TMEM217: variants seen among roughly 807,000 people sequenced by gnomAD.
TMEM217 encodes chromosome 6 open reading frame 128.
For synonymous variants in TMEM217, 76 were observed against 88.3 expected, an observed-to-expected ratio of 0.86 and a Z score of 0.78; for missense variants, 204 against 248.8, an observed-to-expected ratio of 0.82 and a Z score of 1.21.
At chr6:37,231,947 T>C (rs1764227489) in intron 1 of TMEM217, among the ~76,000 whole-genome samples, 1 of 151,904 alleles carries the variant, frequency 6.6e-6, no homozygotes, top group Admixed American at 6.6e-5. Context: ...TAGCCCAGAC[T>C]TACTAAAATC....
At chr6:37,227,896 A>C (rs1466497737) in intron 1 of TMEM217, among the ~76,000 whole-genome samples, 1 of 152,148 alleles carries the variant, frequency 6.6e-6, no homozygotes, top group Non-Finnish European at 1.5e-5. Flanking sequence ...TATATAGGAA[A>C]AAGTTTTTAG....
At chr6:37,225,022 A>C (rs1224383) in intron 1 of TMEM217, among the ~76,000 whole-genome samples, 100,546 of 148,714 alleles carry the variant, frequency 0.68, 34,142 homozygotes, top group East Asian at 0.83. Flanking sequence ...AAAAAAAAAA[A>C]AAAACACCAC....
At position 37,221,997 on chromosome 6, in the gene TMEM217, C is replaced by T. The variant is rs539276744; in HGVS notation, c.-11-2956G>A. On this transcript the variant is annotated intron_variant, in intron 1 of 1. Transcript: ENST00000357219. ...GTAGTTCCTCTCTGTAGCTGGTCCT[C>T]CCATTGTCTCCTGCTATCAGCAGAG... 2.0e-5 allele frequency among the ~76,000 whole-genome samples: 3 copies of T among 152,248 alleles called. No individual in the cohort carries two copies. The South Asian group carries it at 6.2e-4, about 32-fold the overall frequency.
At chr6:37,229,368 T>A (rs1764061633) in intron 1 of TMEM217, among the ~76,000 whole-genome samples, 1 of 87,650 alleles carries the variant, frequency 1.1e-5, no homozygotes, top group African/African-American at 4.6e-5. Context: ...TTTGAGACAG[T>A]GTCTCGCTCT....
intron 1 of TMEM217, among the ~76,000 whole-genome samples, chr6:37,230,626 A>T (rs1241701806): frequency 2.0e-5 from 3 of 152,122 alleles, no homozygotes; most frequent in Non-Finnish European, 4.4e-5. Context: ...CAAAATAAGG[A>T]AAAAAGCCTC....
chr6:37,248,941 C>T (rs1765241034), intron 1 of TMEM217, among the ~76,000 whole-genome samples: 1 of 152,178 alleles, frequency 6.6e-6, no homozygotes, highest in African/African-American at 2.4e-5. Flanking sequence ...GAATCCTTTC[C>T]TGACCCTTCT....
intron 1 of TMEM217, among the ~76,000 whole-genome samples, chr6:37,237,066 A>T (rs143147269): frequency 1.3e-5 from 2 of 152,194 alleles, no homozygotes; most frequent in Non-Finnish European, 2.9e-5. Flanking sequence ...TTCTTATTCT[A>T]GCCTCAGAAG....
chr6:37,250,782 A>C (rs910392051), intron 1 of TMEM217, among the ~76,000 whole-genome samples: 1 of 152,266 alleles, frequency 6.6e-6, no homozygotes, highest in African/African-American at 2.4e-5. Flanking sequence ...TATTACATGC[A>C]ACACATTCTG....
downstream of TMEM217, chr6:37,212,739 A>G (rs1217882398): frequency 5.9e-6 from 4 of 676,062 alleles, no homozygotes; most frequent in Non-Finnish European, 1.1e-5. Flanking sequence ...TCTTGTGGAT[A>G]CAATAAAAGA....
At chr6:37,217,837 A>C in exon 2 of TMEM217, 2 of 985,448 alleles carry the variant, frequency 2.0e-6, no homozygotes, top group Non-Finnish European at 2.4e-6. Context: ...GCCAAGAAAA[A>C]AGGATTGCCC....
intron 1 of TMEM217, among the ~76,000 whole-genome samples, chr6:37,250,666 T>A (rs773536774): frequency 6.6e-6 from 1 of 152,242 alleles, no homozygotes; most frequent in Non-Finnish European, 1.5e-5. Flanking sequence ...ACATTTTACA[T>A]CACAACCAAG....
downstream of TMEM217, chr6:37,215,279 G>A (rs148198459): frequency 1.9e-5 from 31 of 1,612,870 alleles, no homozygotes; most frequent in East Asian, 6.9e-4. Flanking sequence ...TGCTAGTGTG[G>A]AAGCTAGACA....
chr6:37,219,209 G>T (rs1435557969), intron 1 of TMEM217, among the ~76,000 whole-genome samples, 168 bp from the exon 2 acceptor site: 1 of 152,158 alleles, frequency 6.6e-6, no homozygotes, highest in Non-Finnish European at 1.5e-5. Context: ...ATAGATTGGG[G>T]GTGGGGAAGA....
intron 1 of TMEM217, among the ~76,000 whole-genome samples, chr6:37,251,702 T>C (rs1765409159): frequency 6.6e-6 from 1 of 152,246 alleles, no homozygotes; most frequent in African/African-American, 2.4e-5. Flanking sequence ...TGGTTTCCAC[T>C]GGAGAGACGG....
chr6:37,218,147 T>G (rs1177307882), exon 2 of TMEM217: 3 of 1,130,678 alleles, frequency 2.7e-6, no homozygotes, highest in Non-Finnish European at 2.2e-6. Context: ...TGATTGCTTA[T>G]AGTGGTGGAT....
chr6:37,220,282 T>C (rs1763431080), intron 1 of TMEM217, among the ~76,000 whole-genome samples: 2 of 152,200 alleles, frequency 1.3e-5, no homozygotes, highest in Admixed American at 1.3e-4. Flanking sequence ...CTGAAGTTAT[T>C]TGCCAATCTA....
chr6:37,241,296 G>C (rs553293249), intron 1 of TMEM217, among the ~76,000 whole-genome samples: 25 of 151,702 alleles, frequency 1.6e-4, no homozygotes, highest in Admixed American at 4.6e-4. Flanking sequence ...CAGGCTAAAG[G>C]TGTTACTCTT....
chr6:37,222,138 G>C (rs1763556963), intron 1 of TMEM217, among the ~76,000 whole-genome samples: 3 of 152,234 alleles, frequency 2.0e-5, no homozygotes. Flanking sequence ...TCAGAAGGGA[G>C]GAAGTGCACG....
intron 1 of TMEM217, among the ~76,000 whole-genome samples, chr6:37,219,345 A>C (rs368094150): frequency 6.6e-6 from 1 of 152,152 alleles, no homozygotes; most frequent in Admixed American, 6.5e-5. Context: ...CAATCACAAC[A>C]TTCTCTGGTT....
Sources: gnomAD v4.1 joint callset for allele counts (sites outside exome capture counted in the v4.1 genomes callset) on GRCh38, gnomAD v4.1.1 for gene constraint, MANE v1.5 for transcripts, NCBI Gene and HGNC (gene_info 2026-07-23, HGNC 2026-07-21) for gene names.